Variants in NRXN3 observed in about 807,000 individuals in gnomAD.
NRXN3 encodes the protein neurexin III.
In NRXN3, 32 loss-of-function variants were observed where a neutral mutation model predicts 137.6. That is an observed-to-expected ratio of 0.23 (90% CI 0.18 to 0.31). NRXN3 has a LOEUF of 0.31. NRXN3 is among the 10% of genes least tolerant of loss of function. The probability of loss-of-function intolerance (pLI) is 1.00; values close to 1 mark genes in which losing one functional copy is unlikely to be tolerated. For synonymous variants in NRXN3, 798 were observed against 784.5 expected, an observed-to-expected ratio of 1.02 and a Z score of -0.29; for missense variants, 1,574 against 2,062.5, an observed-to-expected ratio of 0.76 and a Z score of 4.59.
intron 16 of NRXN3, among the ~76,000 whole-genome samples, chr14:79,596,060 T>A (rs1470019309): frequency 6.6e-6 from 1 of 151,970 alleles, no homozygotes; most frequent in Non-Finnish European, 1.5e-5. Context: ...TTTTTTTTTT[T>A]TGGTCTTTTA....
At chr14:79,030,237 C>T (rs1040586346) in intron 15 of NRXN3, among the ~76,000 whole-genome samples, 2 of 151,332 alleles carry the variant, frequency 1.3e-5, no homozygotes, top group Non-Finnish European at 2.9e-5. Context: ...CCAGTAGTAG[C>T]CCCCCCAACA....
chr14:79,510,817 A>G (rs1405522611), intron 16 of NRXN3, among the ~76,000 whole-genome samples: 1 of 152,130 alleles, frequency 6.6e-6, no homozygotes, highest in African/African-American at 2.4e-5. Context: ...GCTTAGTCAT[A>G]TCTCAAGGCA....
At position 78,314,986 on chromosome 14, in the gene NRXN3, C is replaced by T. The variant is rs1264482979; in HGVS notation, c.757+17126C>T. Among the ~76,000 whole-genome samples the T allele has an allele frequency of 2.0e-3, 171 of 84,526 alleles. 1 individual carries two copies. Among genetic ancestry groups the T allele is most frequent in the African/African-American group, 0.011 (166 of 15,558 alleles). 55.5% of individuals were successfully genotyped at this position (84,526 alleles called of 152,430 possible). On this transcript the variant is annotated intron_variant, in intron 4 of 20. Coordinates refer to ENST00000335750, the MANE Select transcript of NRXN3 (RefSeq NM_001330195.2). ...TCCTTCCTTCCTTCCTTCCTTCCTTCCTTTCTCTTTCTTTCTTTCTTTCTT... is the reference window on the plus strand; with the variant it reads ...TCCTTCCTTCCTTCCTTCCTTCCTTTCTTTCTCTTTCTTTCTTTCTTTCTT...
At chr14:79,818,178 C>T (rs1238704482) in intron 20 of NRXN3, among the ~76,000 whole-genome samples, 1 of 151,674 alleles carries the variant, frequency 6.6e-6, no homozygotes, top group Non-Finnish European at 1.5e-5. Context: ...CTCAGCCTCC[C>T]GAGTAGCTGG....
intron 15 of NRXN3, among the ~76,000 whole-genome samples, chr14:79,382,705 AGAG>A (rs2094504303): frequency 6.6e-6 from 1 of 152,172 alleles, no homozygotes; most frequent in Non-Finnish European, 1.5e-5. Flanking sequence ...AAGCAAAGAT[AGAG>A]GAGTAGGCTT....
intron 15 of NRXN3, among the ~76,000 whole-genome samples, chr14:79,197,891 A>T (rs12432016): frequency 1.3e-5 from 2 of 152,050 alleles, no homozygotes; most frequent in African/African-American, 4.8e-5. Context: ...AAACCCTGCC[A>T]TTGCTTTTTC....
At chr14:79,656,616 C>CTTTT (rs58620442) in intron 16 of NRXN3, among the ~76,000 whole-genome samples, 4 of 137,856 alleles carry the variant, frequency 2.9e-5, no homozygotes, top group Admixed American at 7.3e-5. Flanking sequence ...CTCTCTCTCT[C>CTTTT]TTTTTTTTTT....
At chr14:79,090,802 T>A (rs1198862405) in intron 15 of NRXN3, among the ~76,000 whole-genome samples, 3 of 152,188 alleles carry the variant, frequency 2.0e-5, no homozygotes, top group Non-Finnish European at 1.5e-5. Flanking sequence ...TCCATAGCAC[T>A]GCCTAAACAT....
chr14:78,179,723 A>AT (rs1305982727), intron 1 of NRXN3, among the ~76,000 whole-genome samples: 2 of 151,062 alleles, frequency 1.3e-5, no homozygotes, highest in African/African-American at 2.4e-5. Flanking sequence ...GGGAGGAACA[A>AT]TTATTCTCCA....
intron 6 of NRXN3, among the ~76,000 whole-genome samples, chr14:78,696,435 T>A (rs549531705): frequency 6.6e-6 from 1 of 152,122 alleles, no homozygotes; most frequent in Admixed American, 6.6e-5. Context: ...ATCAACCCTA[T>A]GAGGTAAATG....
chr14:79,793,989 G>A (rs1026078715), intron 19 of NRXN3, among the ~76,000 whole-genome samples: 1 of 152,150 alleles, frequency 6.6e-6, no homozygotes, highest in Admixed American at 6.5e-5. Flanking sequence ...TTCTACCAAC[G>A]CTTTTTAACT....
At chr14:79,796,049 A>C (rs114491665) in intron 19 of NRXN3, among the ~76,000 whole-genome samples, 2 of 152,190 alleles carry the variant, frequency 1.3e-5, no homozygotes, top group Non-Finnish European at 2.9e-5. Flanking sequence ...TGGTGAAAAC[A>C]AAAGAGCTGA....
chr14:79,180,500 G>C (rs1023773304), intron 15 of NRXN3, among the ~76,000 whole-genome samples: 1 of 152,158 alleles, frequency 6.6e-6, no homozygotes, highest in Non-Finnish European at 1.5e-5. Flanking sequence ...AACAGATGAA[G>C]AGTGATACTT....
rs181657784 is a variant in NRXN3 at position 78,242,801 on chromosome 14, C to T, written c.-293C>T. 2.4e-6 allele frequency: 1 copy of T among 418,278 alleles called. No homozygotes were observed. Among genetic ancestry groups the T allele is most frequent in the East Asian group, 3.7e-5 (1 of 26,906 alleles). The allele number at this position is 418,278 out of a possible 1,614,324, so 25.9% of individuals were successfully genotyped here. A position where few individuals can be genotyped will look rare whatever the true frequency, so the allele number is the denominator to read the frequency against. On this transcript the variant is annotated 5_prime_UTR_variant, in exon 2 of 21. Transcript: ENST00000335750. Reference sequence around the variant, plus strand: ...TTTTCTTGGAGAAAGACGCTTTCCTCTTTACTCCAGTCCCTCACTTCCCCA... The same window carrying T: ...TTTTCTTGGAGAAAGACGCTTTCCTTTTTACTCCAGTCCCTCACTTCCCCA...
chr14:78,332,829 G>GGCCA (rs35112044), intron 4 of NRXN3, among the ~76,000 whole-genome samples: 77,516 of 151,648 alleles, frequency 0.51, 20,111 homozygotes, highest in Admixed American at 0.61. Flanking sequence ...TTTTGTCTGG[G>GGCCA]GCCAGTCCCA....
chr14:79,134,399 A>G (rs1397740991), intron 15 of NRXN3, among the ~76,000 whole-genome samples: 1 of 152,260 alleles, frequency 6.6e-6, no homozygotes, highest in African/African-American at 2.4e-5. Context: ...GTAAGAGACT[A>G]TCTTCTAAAT....
chr14:79,398,607 C>T (rs564953260), intron 15 of NRXN3, among the ~76,000 whole-genome samples: 1 of 152,074 alleles, frequency 6.6e-6, no homozygotes, highest in Admixed American at 6.5e-5. Context: ...AAACTCTTGA[C>T]TTTCTTCCTG....
intron 4 of NRXN3, among the ~76,000 whole-genome samples, chr14:78,392,330 C>T (rs957808448): frequency 5.3e-5 from 8 of 152,212 alleles, no homozygotes; most frequent in Admixed American, 2.6e-4. Flanking sequence ...GCAATGCATA[C>T]AGACTCCTCA....
At chr14:78,332,297 A>C (rs1597414877) in intron 4 of NRXN3, among the ~76,000 whole-genome samples, 1 of 144,472 alleles carries the variant, frequency 6.9e-6, no homozygotes. Flanking sequence ...CCTATCTTTT[A>C]CCATATTTTC....
Sources: gnomAD v4.1 joint callset for allele counts (sites outside exome capture counted in the v4.1 genomes callset) on GRCh38, gnomAD v4.1.1 for gene constraint, MANE v1.5 for transcripts, NCBI Gene and HGNC (gene_info 2026-07-23, HGNC 2026-07-21) for gene names.